NTRK3: variants seen among roughly 807,000 people sequenced by gnomAD.
NTRK3 encodes the protein NT-3 growth factor receptor.
Under a neutral mutation model 91.7 loss-of-function variants are expected in NTRK3, and 24 were observed. The ratio of observed to expected loss-of-function variants is 0.26; its 90% CI spans 0.19 to 0.37. The LOEUF is 0.37. Ranked by LOEUF, NTRK3 falls within the 10% of genes least tolerant of loss-of-function variation. The probability of loss-of-function intolerance (pLI) is 1.00; values close to 1 mark genes in which losing one functional copy is unlikely to be tolerated. For missense variants in NTRK3, 880 were observed against 1,068.9 expected, an observed-to-expected ratio of 0.82 and a Z score of 2.46; for synonymous variants, 483 against 404.0, an observed-to-expected ratio of 1.20 and a Z score of -2.34.
chr15:88,254,988 C>T (rs1429382260), intron 3 of NTRK3, among the ~76,000 whole-genome samples: 1 of 152,136 alleles, frequency 6.6e-6, no homozygotes, highest in Non-Finnish European at 1.5e-5. Flanking sequence ...GCCATCCCCA[C>T]CAAAGAAAAA....
intron 14 of NTRK3, among the ~76,000 whole-genome samples, chr15:88,007,690 A>G (rs78196393): frequency 0.03 from 4,559 of 152,286 alleles, 244 homozygotes; most frequent in African/African-American, 0.1. Flanking sequence ...GTGAAATTCT[A>G]CCACCAGAGA....
chr15:88,104,260 T>A (rs1353197409), intron 13 of NTRK3, among the ~76,000 whole-genome samples: 7 of 151,854 alleles, frequency 4.6e-5, no homozygotes, highest in Non-Finnish European at 8.8e-5. Context: ...AACTGTTGCA[T>A]GAGATTCCTT....
rs537372828 is a variant in NTRK3 at position 88,192,820 on chromosome 15, A to G, written c.249-8521T>C. 3.9e-5 allele frequency among the ~76,000 whole-genome samples: 6 copies of G among 152,042 alleles called. No homozygotes were observed. In the South Asian group the frequency reaches 8.3e-4, roughly 21 times the overall value. ...TTTCAATCCCTCAGATCTCCACTCA[A>G]AAATCACCTTCTCGGAGAAGCCTGC... On this transcript the variant is annotated intron_variant, in intron 3 of 18. Coordinates refer to ENST00000394480, the Ensembl canonical transcript of NTRK3.
rs542512445 is a variant in NTRK3 at position 88,053,800 on chromosome 15, T to G, written c.1397-20755A>C. On this transcript the variant is annotated intron_variant, in intron 13 of 18. Coordinates refer to ENST00000394480, the Ensembl canonical transcript of NTRK3. ...TTAGTAATTAATAGAGTTGTTAAGT[T>G]CAGACATGGGTACAAATACCTTATC... Among the ~76,000 whole-genome samples the G allele has an allele frequency of 3.9e-5, 6 of 152,344 alleles. No homozygotes were observed. In the East Asian group the frequency reaches 1.2e-3, roughly 29 times the overall value.
At chr15:87,973,427 T>C (rs1456122369) in intron 14 of NTRK3, among the ~76,000 whole-genome samples, 3 of 152,270 alleles carry the variant, frequency 2.0e-5, no homozygotes, top group South Asian at 2.1e-4. Context: ...GCATATCTCC[T>C]TCAACTCACT....
chr15:88,007,126 G>T (rs1278464840), intron 14 of NTRK3, among the ~76,000 whole-genome samples: 1 of 152,146 alleles, frequency 6.6e-6, no homozygotes, highest in East Asian at 1.9e-4. Context: ...CTGAACCAAG[G>T]GGTTGATGTG....
Position 88,255,823 on chromosome 15 carries a change from A to C in NTRK3, c.248+83T>G. 8.0e-7 allele frequency: 1 copy of C among 1,246,376 alleles called. No homozygotes were observed. Among genetic ancestry groups the C allele is most frequent in the Non-Finnish European group, 1.1e-6 (1 of 950,908 alleles). 77.2% of individuals were successfully genotyped at this position (1,246,376 alleles called of 1,614,324 possible). A position where few individuals can be genotyped will look rare whatever the true frequency, so the allele number is the denominator to read the frequency against. On this transcript the variant is annotated intron_variant, in intron 3 of 18. Coordinates refer to ENST00000394480, the Ensembl canonical transcript of NTRK3. This position sits in a 1 kb window ranked among gnomAD's most constrained non-coding sequence, Gnocchi z 4.3. ...GGCAGCGGCGAGCTGGGGCGGGCGGAGGGCCGGCTCCCGGCCGCGGGTGGG... is the reference window on the plus strand; with the variant it reads ...GGCAGCGGCGAGCTGGGGCGGGCGGCGGGCCGGCTCCCGGCCGCGGGTGGG...
intron 13 of NTRK3, among the ~76,000 whole-genome samples, chr15:88,041,626 T>G (rs2079621653): frequency 6.6e-6 from 1 of 152,142 alleles, no homozygotes; most frequent in African/African-American, 2.4e-5. Context: ...TGAGGCCAAC[T>G]TAGACGCAAG....
At chr15:88,213,680 A>T (rs936401478) in intron 3 of NTRK3, among the ~76,000 whole-genome samples, 1 of 152,210 alleles carries the variant, frequency 6.6e-6, no homozygotes, top group Non-Finnish European at 1.5e-5. Flanking sequence ...CGGCCCTCAC[A>T]CAGTCCTGCG....
At chr15:88,065,098 T>A (rs549922595) in intron 13 of NTRK3, among the ~76,000 whole-genome samples, 83 of 152,230 alleles carry the variant, frequency 5.5e-4, no homozygotes, top group Middle Eastern at 6.8e-3. Context: ...TCCCTGAATT[T>A]TACAGGCACC....
At chr15:88,022,520 A>G (rs1192360000) in intron 14 of NTRK3, among the ~76,000 whole-genome samples, 2 of 152,226 alleles carry the variant, frequency 1.3e-5, no homozygotes, top group Non-Finnish European at 2.9e-5. Flanking sequence ...GCTAGAAAGG[A>G]TCTCTGGAGA....
At chr15:87,926,354 A>T (rs1037360534) in intron 17 of NTRK3, among the ~76,000 whole-genome samples, 7 of 151,524 alleles carry the variant, frequency 4.6e-5, no homozygotes, top group Admixed American at 1.3e-4. Context: ...CATCAGTAGA[A>T]TACACAGATT....
chr15:88,061,998 AAAAATT>A (rs775272927), intron 13 of NTRK3, among the ~76,000 whole-genome samples: 1 of 152,258 alleles, frequency 6.6e-6, no homozygotes, highest in Admixed American at 6.5e-5. Context: ...GGAAAAAAAT[AAAAATT>A]AACAAAATAA....
At chr15:88,126,341 G>A (rs2053281742) in exon 13 of NTRK3, 1 of 1,613,960 alleles carries the variant, frequency 6.2e-7, no homozygotes, top group Non-Finnish European at 8.5e-7. Context: ...ACAGGACACA[G>A]GCAAAAGCAG....
At chr15:88,018,857 G>A (rs899781563) in intron 14 of NTRK3, among the ~76,000 whole-genome samples, 1 of 152,094 alleles carries the variant, frequency 6.6e-6, no homozygotes, top group Admixed American at 6.6e-5. Flanking sequence ...TTCAAGTTCA[G>A]AGCCTGGCCC....
intron 5 of NTRK3, among the ~76,000 whole-genome samples, chr15:88,152,000 G>A (rs943450435): frequency 6.6e-6 from 1 of 152,102 alleles, no homozygotes; most frequent in African/African-American, 2.4e-5. Flanking sequence ...TTCAAAATTC[G>A]TTTTTAAAAT....
At chr15:87,952,937 T>C (rs1337022349) in intron 14 of NTRK3, among the ~76,000 whole-genome samples, 1 of 150,620 alleles carries the variant, frequency 6.6e-6, no homozygotes, top group Non-Finnish European at 1.5e-5. Context: ...GGCCTGCGAG[T>C]CCCAGCCACG....
At chr15:88,061,727 G>C (rs1255259834) in intron 13 of NTRK3, among the ~76,000 whole-genome samples, 2 of 152,220 alleles carry the variant, frequency 1.3e-5, no homozygotes, top group African/African-American at 2.4e-5. Flanking sequence ...TGGTTCCAGG[G>C]CCCGGAGGCT....
chr15:88,039,118 AACACACACACACACACACAC>A (rs66499066), intron 13 of NTRK3, among the ~76,000 whole-genome samples: 17 of 139,386 alleles, frequency 1.2e-4, no homozygotes, highest in South Asian at 4.8e-4. Flanking sequence ...TTGAGCCCTC[AACACACACACACACACACAC>A]ACACACACAC....
Sources: gnomAD v4.1 joint callset for allele counts (sites outside exome capture counted in the v4.1 genomes callset) on GRCh38, gnomAD v4.1.1 for gene constraint, Gnocchi (gnomAD v3.1) non-coding constraint, MANE v1.5 for transcripts, NCBI Gene and HGNC (gene_info 2026-07-23, HGNC 2026-07-21) for gene names.